Variants in FBXL14 observed in about 807,000 individuals in gnomAD.
FBXL14 encodes F-box and leucine rich repeat protein 14, also known as F-box/LRR-repeat protein 14.
FBXL14 carries 11 observed loss-of-function variants against 24.5 expected under a neutral mutation model. The observed-to-expected ratio is 0.45, with a 90% CI of 0.28 to 0.74. The LOEUF is 0.74. Among genes scored for constraint, FBXL14 ranks in the 30% least tolerant of loss-of-function variants. The pLI, the probability that FBXL14 is intolerant of heterozygous loss-of-function variation, is 0.12. For missense variants in FBXL14, 384 were observed against 545.6 expected, an observed-to-expected ratio of 0.70 and a Z score of 2.95; for synonymous variants, 294 against 240.4, an observed-to-expected ratio of 1.22 and a Z score of -2.06.
Position 1,593,737 on chromosome 12 carries a change from G to C in FBXL14, c.330C>G (p.His110Gln), listed in dbSNP as rs374965564. ...CYNLTDNGLG[H>Q]AFVQEIGSLR... The stretch of plus-strand genomic sequence containing the variant: ...GGGAGCCGATCTCCTGCACAAACGC[G>C]TGGCCCAGCCCGTTGTCGGTGAGGT... Residue 110 changes from histidine to glutamine, a missense_variant, in exon 1 of 2, where the codon CAC (histidine) becomes CAG (glutamine). Coordinates refer to ENST00000339235, the MANE Select transcript of FBXL14 (RefSeq NM_152441.3). This position sits in a 1 kb window ranked among gnomAD's most constrained non-coding sequence, Gnocchi z 7.4. 1 of 1,614,176 alleles carries C rather than the reference G, an allele frequency of 6.2e-7. No homozygotes were observed. The highest frequency in any genetic ancestry group is 8.5e-7 in the Non-Finnish European group (1 of 1,180,020).
chr12:1,580,533 G>C (rs534947738), intron 1 of FBXL14, among the ~76,000 whole-genome samples: 9 of 149,294 alleles, frequency 6.0e-5, no homozygotes, highest in East Asian at 1.9e-4. Context: ...AAAACATAGT[G>C]GGGGGGGAGG....
At chr12:1,581,774 A>G (rs2094466800) in intron 1 of FBXL14, among the ~76,000 whole-genome samples, 1 of 152,178 alleles carries the variant, frequency 6.6e-6, no homozygotes, top group South Asian at 2.1e-4. Flanking sequence ...AGATTTGTCT[A>G]GAGTCAAATT....
chr12:1,576,322 C>T (rs947686380), intron 1 of FBXL14, among the ~76,000 whole-genome samples: 3 of 152,152 alleles, frequency 2.0e-5, no homozygotes, highest in African/African-American at 7.2e-5. Context: ...GTGTCAGTCA[C>T]TGAGTGCTGG....
intron 1 of FBXL14, among the ~76,000 whole-genome samples, chr12:1,577,785 A>G (rs1168725777): frequency 2.6e-5 from 4 of 152,242 alleles, no homozygotes; most frequent in African/African-American, 9.6e-5. Flanking sequence ...AGTATGCCCC[A>G]AAAATGATGG....
chr12:1,578,112 C>T (rs1263705911), intron 1 of FBXL14, among the ~76,000 whole-genome samples: 1 of 152,112 alleles, frequency 6.6e-6, no homozygotes, highest in Non-Finnish European at 1.5e-5. Context: ...AGGCCTTGAA[C>T]AAAATTTTCT....
rs529881678 is a variant in FBXL14 at position 1,569,268 on chromosome 12, A to G, written c.1195-2458T>C. Among the ~76,000 whole-genome samples the G allele has an allele frequency of 1.7e-3, 256 of 151,152 alleles. 2 individuals carry two copies. The highest frequency in any genetic ancestry group is 6.1e-3 in the African/African-American group (249 of 41,118). On this transcript the variant is annotated intron_variant, in intron 1 of 1. Coordinates refer to ENST00000339235, the MANE Select transcript of FBXL14 (RefSeq NM_152441.3). This position sits in a 1 kb window ranked among gnomAD's most constrained non-coding sequence, Gnocchi z 4.2. Reference sequence around the variant, plus strand: ...ATTTATTTTATCCACTTAATTTCTGATGTTTTCTAATTCTCTCTCTCTCTC... The same window carrying G: ...ATTTATTTTATCCACTTAATTTCTGGTGTTTTCTAATTCTCTCTCTCTCTC...
In FBXL14 at chr12:1,589,154, G is replaced by A. The variant is rs561501733; in HGVS notation, c.1194+3719C>T. ...TGTAATCCCAGGACTTTGGGAGGCC[G>A]AGGTGGGCAGATCGCTTGAGCCCAG... On this transcript the variant is annotated intron_variant, in intron 1 of 1. Transcript: ENST00000339235. Among the ~76,000 whole-genome samples, 152 of 150,562 alleles carry A rather than the reference G, an allele frequency of 1.0e-3. 2 individuals carry two copies. The highest frequency in any genetic ancestry group is 1.3e-3 in the Admixed American group (20 of 15,086).
chr12:1,584,810 G>T (rs966014585), intron 1 of FBXL14, among the ~76,000 whole-genome samples: 5 of 152,152 alleles, frequency 3.3e-5, no homozygotes, highest in African/African-American at 1.2e-4. Flanking sequence ...TAAGACACAC[G>T]TACTGGCCAT....
At chr12:1,582,645 C>T (rs1009088941) in intron 1 of FBXL14, among the ~76,000 whole-genome samples, 5 of 152,284 alleles carry the variant, frequency 3.3e-5, no homozygotes, top group African/African-American at 1.2e-4. Context: ...GCCTTATGCA[C>T]AGGCCCCAAG....
At chr12:1,585,565 A>T (rs1382793660) in intron 1 of FBXL14, among the ~76,000 whole-genome samples, 1 of 152,244 alleles carries the variant, frequency 6.6e-6, no homozygotes, top group Non-Finnish European at 1.5e-5. Context: ...ATTAATATTT[A>T]TGAAAAATTA....
chr12:1,572,264 A>G (rs1021564669), intron 1 of FBXL14, among the ~76,000 whole-genome samples: 4 of 152,270 alleles, frequency 2.6e-5, no homozygotes, highest in African/African-American at 9.6e-5. Flanking sequence ...TTTATGTACA[A>G]CAAACTGCAC....
chr12:1,594,263 C>T lies in FBXL14; in HGVS notation c.-197G>A. On this transcript the variant is annotated 5_prime_UTR_variant, in exon 1 of 2. Coordinates refer to ENST00000339235, the MANE Select transcript of FBXL14 (RefSeq NM_152441.3). ...TCCTCCTCCTGGTCCGTCCGTCCTT[C>T]CTTCCTGCCGGCTGCGCCTCCGGCC... 1 of 186,424 alleles carries T rather than the reference C, an allele frequency of 5.4e-6. No individual in the cohort carries two copies. The highest frequency in any genetic ancestry group is 1.0e-5 in the Non-Finnish European group (1 of 96,292). 11.5% of individuals were successfully genotyped at this position (186,424 alleles called of 1,614,324 possible).
chr12:1,588,002 CAG>C (rs1226747197), intron 1 of FBXL14, among the ~76,000 whole-genome samples: 4 of 152,204 alleles, frequency 2.6e-5, no homozygotes, highest in Admixed American at 2.6e-4. Flanking sequence ...AGAAAGAGAA[CAG>C]AGAGAGGGGA....
chr12:1,581,471 G>T (rs2094466220), intron 1 of FBXL14, among the ~76,000 whole-genome samples: 1 of 152,208 alleles, frequency 6.6e-6, no homozygotes, highest in African/African-American at 2.4e-5. Flanking sequence ...TTTGGATGGA[G>T]AATGTTGAAG....
At chr12:1,587,053 C>T (rs924046849) in intron 1 of FBXL14, among the ~76,000 whole-genome samples, 1 of 151,772 alleles carries the variant, frequency 6.6e-6, no homozygotes, top group Non-Finnish European at 1.5e-5. Context: ...GCCTGACCAA[C>T]ATGGAGAAAC....
chr12:1,592,863 C>T lies in FBXL14; in HGVS notation c.1194+10G>A, dbSNP rs200891221. On this transcript the variant is annotated intron_variant, in intron 1 of 1. Transcript: ENST00000339235. ...GACAAGGGGAGCTGGTGCTGCCGCC[C>T]TCACCTGACCTTCTCACTGTCCGTC... 4.5e-6 allele frequency: 7 copies of T among 1,551,528 alleles called. No individual in the cohort carries two copies. Among genetic ancestry groups the T allele is most frequent in the South Asian group, 2.5e-5 (2 of 81,036 alleles).
At position 1,594,503 on chromosome 12, in the gene FBXL14, A is replaced by AGGGGGCCCC. The variant is rs1180613286; in HGVS notation, c.-446_-438dup. ...CTGCTCCGCGGGCCGGCGGGCGGCG[A>AGGGGGCCCC]GGGGGCCCCGGGGGCCGGGCGCACG... On this transcript the variant is annotated 5_prime_UTR_variant, in exon 1 of 2. Transcript: ENST00000339235. Among the ~76,000 whole-genome samples, 2 of 145,796 alleles carry AGGGGGCCCC rather than the reference A, an allele frequency of 1.4e-5. No homozygotes were observed. The highest frequency in any genetic ancestry group is 4.1e-4 in the East Asian group (2 of 4,888).
In FBXL14 at chr12:1,593,503, C is replaced by A. The variant is rs2094495160; in HGVS notation, c.564G>T (p.Gly188=). 6.2e-7 allele frequency: 1 copy of A among 1,613,710 alleles called. No homozygotes were observed. The highest frequency in any genetic ancestry group is 1.7e-5 in the Admixed American group (1 of 60,006). The part of the protein sequence containing the change: ...SCRHLSDVGI[G]HLAGMTRSAA... ...CGCTGCGCGTCATGCCGGCCAGGTG[C>A]CCGATGCCCACATCCGAAAGGTGGC... is the stretch of plus-strand genomic sequence containing the variant. The change falls in exon 1 of 2, where the codon GGG becomes GGT. Residue 188 remains glycine (G), a synonymous_variant. Transcript: ENST00000339235. This position sits in a 1 kb window ranked among gnomAD's most constrained non-coding sequence, Gnocchi z 7.4.
At chr12:1,571,290 C>A (rs1386680782) in intron 1 of FBXL14, among the ~76,000 whole-genome samples, 1 of 152,090 alleles carries the variant, frequency 6.6e-6, no homozygotes, top group African/African-American at 2.4e-5. Flanking sequence ...CTCACTGCAA[C>A]CTCTGCCTCC....
Sources: allele counts gnomAD v4.1 joint callset (sites outside exome capture counted in the v4.1 genomes callset), GRCh38; gene constraint gnomAD v4.1.1; non-coding constraint Gnocchi (gnomAD v3.1); transcripts MANE v1.5; gene names NCBI Gene and HGNC (gene_info 2026-07-23, HGNC 2026-07-21).